The following GK5 variants were observed in gnomAD, a reference collection of about 807,000 sequenced individuals.
GK5 encodes glycerol kinase 5, also known as ATP:glycerol 3-phosphotransferase 5.
A neutral mutation model predicts 77.3 loss-of-function variants in GK5; 39 were observed. The observed-to-expected ratio is 0.50, with a 90% CI of 0.39 to 0.66. The LOEUF (loss-of-function observed/expected upper bound fraction) is 0.66, where lower values mean the gene tolerates loss of function less well. GK5 is among the 30% of genes least tolerant of loss of function. GK5 has a pLI of 0.00. For synonymous variants in GK5, 211 were observed against 208.0 expected (o/e 1.01, Z -0.13); for missense variants, 487 against 633.8 (o/e 0.77, Z 2.49).
chr3:142,191,068 A>G (rs559910063), intron 5 of GK5, among the ~76,000 whole-genome samples: 7 of 152,024 alleles, frequency 4.6e-5, no homozygotes, highest in Admixed American at 2.0e-4. Context: ...TTTGAGACAG[A>G]GTCTGGCCAT....
intron 11 of GK5, 27 bp downstream of exon 11, chr3:142,181,434 G>T (rs924239747): frequency 7.1e-7 from 1 of 1,409,424 alleles, no homozygotes; most frequent in Non-Finnish European, 1.0e-6. Flanking sequence ...GGTCTGGCTT[G>T]TGAAATCCAT....
At chr3:142,192,789 G>A (rs2063871480) in intron 5 of GK5, among the ~76,000 whole-genome samples, 1 of 151,534 alleles carries the variant, frequency 6.6e-6, no homozygotes, top group Admixed American at 6.6e-5. Flanking sequence ...AATGTGATTG[G>A]ATAAACTGTG....
chr3:142,186,151 A>G, intron 8 of GK5, 43 bp downstream of exon 8: 1 of 1,306,896 alleles, frequency 7.7e-7, no homozygotes, highest in Non-Finnish European at 1.1e-6. Flanking sequence ...AAATGAATTC[A>G]AGAACCATTG....
chr3:142,214,286 A>G (rs1301227942), intron 2 of GK5, among the ~76,000 whole-genome samples: 1 of 152,244 alleles, frequency 6.6e-6, no homozygotes, highest in African/African-American at 2.4e-5. Context: ...GTTAATGACA[A>G]TAAAGGAAAA....
chr3:142,166,695 G>A (rs938791016), intron 15 of GK5, among the ~76,000 whole-genome samples: 2 of 152,070 alleles, frequency 1.3e-5, no homozygotes, highest in East Asian at 1.9e-4. Flanking sequence ...CACCACGCCC[G>A]GCTAATTTTT....
At chr3:142,223,081 T>C (rs1183518641) in intron 1 of GK5, among the ~76,000 whole-genome samples, 1 of 152,196 alleles carries the variant, frequency 6.6e-6, no homozygotes, top group Non-Finnish European at 1.5e-5. Context: ...TCCAGACACA[T>C]TTTCCACAGT....
intron 13 of GK5, 82 bp downstream of exon 13, chr3:142,172,271 A>G (rs2063549206): frequency 3.1e-6 from 2 of 654,568 alleles, no homozygotes; most frequent in Middle Eastern, 2.6e-4. Context: ...TAAAATTAAG[A>G]AATTTTCCAT....
rs1174611463 is a variant in GK5 at position 142,165,773 on chromosome 3, A to G, written c.1442-3T>C. 3 of 1,565,562 alleles carry G rather than the reference A, an allele frequency of 1.9e-6. No homozygotes were observed. Among genetic ancestry groups the G allele is most frequent in the Admixed American group, 2.1e-5 (1 of 48,362 alleles). On this transcript the variant is annotated splice_polypyrimidine_tract_variant and splice_region_variant and intron_variant, in intron 15 of 15. Transcript: ENST00000392993. ...TTCCTCCTTGTCAGTCCAAAACCCT[A>G]TAGATAAAAAAATTATCCTCAAATT...
rs1384617809 is a variant in GK5, at chr3:142,172,432, A to G, written c.1168T>C (p.Cys390Arg). ...GGCTTCAAACCCATAAAAGAGGCAC[A>G]TGCCCAGGGGTCATTTAATGGAGCC... ...LQAPLNDPWA[C>R]ASFMGLKPST... Residue 390 changes from cysteine to arginine, a missense_variant, in exon 13 of 16, where the codon TGT (cysteine) becomes CGT (arginine). Cys to Arg is a radical substitution (Grantham distance 180, BLOSUM62 -3). Transcript: ENST00000392993. 1.2e-6 allele frequency: 2 copies of G among 1,601,768 alleles called. No individual in the cohort carries two copies. Among genetic ancestry groups the G allele is most frequent in the African/African-American group, 1.3e-5 (1 of 74,762 alleles).
At chr3:142,214,490 T>C (rs1481506801) in intron 2 of GK5, among the ~76,000 whole-genome samples, 1 of 152,202 alleles carries the variant, frequency 6.6e-6, no homozygotes, top group Non-Finnish European at 1.5e-5. Context: ...AATTTGAGCA[T>C]TGAGAAAAAC....
chr3:142,170,831 T>C (rs569596482), intron 14 of GK5, among the ~76,000 whole-genome samples: 1 of 152,298 alleles, frequency 6.6e-6, no homozygotes, highest in South Asian at 2.1e-4. Flanking sequence ...AAAATTGATA[T>C]ACTACACATA....
chr3:142,167,783 G>A (rs939656777), intron 15 of GK5, among the ~76,000 whole-genome samples: 8 of 152,242 alleles, frequency 5.3e-5, no homozygotes, highest in African/African-American at 1.7e-4. Context: ...ATGCCAAAGC[G>A]AGTGGATCAC....
intron 3 of GK5, among the ~76,000 whole-genome samples, chr3:142,205,417 T>C (rs554472747): frequency 1.1e-4 from 17 of 152,368 alleles, no homozygotes; most frequent in African/African-American, 3.4e-4. Flanking sequence ...GGCCTCCTCC[T>C]GTGAGACCTG....
intron 2 of GK5, 47 bp downstream of exon 2, chr3:142,215,551 CA>C (rs61501618): frequency 0.02 from 17,540 of 856,514 alleles, 126 homozygotes; most frequent in Middle Eastern, 0.037. Flanking sequence ...AAAACTATTA[CA>C]AAAAAAAAAC....
intron 3 of GK5, among the ~76,000 whole-genome samples, chr3:142,208,151 T>C (rs1298283511): frequency 2.6e-5 from 4 of 152,240 alleles, no homozygotes; most frequent in Non-Finnish European, 2.9e-5. Flanking sequence ...TTGCACATTA[T>C]GTCAAATTAA....
rs1399191009 is a variant in GK5 at position 142,159,849 on chromosome 3, C to CTTTTTTTTTTTTTTTTTT, written c.*5772_*5773insAAAAAAAAAAAAAAAAAA. ...GGGCTTTCTCTCTCTCTCTCTCTCT[C>CTTTTTTTTTTTTTTTTTT]TCTCTTTTTTTTTTTTGAGACAGAG... On this transcript the variant is annotated 3_prime_UTR_variant, in exon 16 of 16. Transcript: ENST00000392993. 5.7e-5 allele frequency: 6 copies of CTTTTTTTTTTTTTTTTTT among 104,774 alleles called. No homozygotes were observed. Among genetic ancestry groups the CTTTTTTTTTTTTTTTTTT allele is most frequent in the African/African-American group, 2.4e-4 (6 of 24,560 alleles). The allele number at this position is 104,774 out of a possible 1,614,324, so 6.5% of individuals were successfully genotyped here. A position where few individuals can be genotyped will look rare whatever the true frequency, so the allele number is the denominator to read the frequency against.
At chr3:142,177,455 T>C (rs761019695) in intron 12 of GK5, 27 bp downstream of exon 12, 1 of 1,267,716 alleles carries the variant, frequency 7.9e-7, no homozygotes, top group Non-Finnish European at 1.1e-6. Flanking sequence ...ATATTTGTGA[T>C]TGCCATTAAC....
chr3:142,214,459 G>A (rs7625045), intron 2 of GK5, among the ~76,000 whole-genome samples: 37,182 of 151,868 alleles, frequency 0.24, 5,065 homozygotes, highest in African/African-American at 0.37. Context: ...TTATCCCACC[G>A]GGAAAATCTG....
intron 15 of GK5, among the ~76,000 whole-genome samples, chr3:142,166,626 C>T (rs2063475368): frequency 6.6e-6 from 1 of 150,994 alleles, no homozygotes; most frequent in South Asian, 2.1e-4. Flanking sequence ...CTCCACCTCC[C>T]GGGTTCAAGC....
Sources: gnomAD v4.1 joint callset for allele counts (sites outside exome capture counted in the v4.1 genomes callset) on GRCh38, gnomAD v4.1.1 for gene constraint, MANE v1.5 for transcripts, NCBI Gene and HGNC (gene_info 2026-07-23, HGNC 2026-07-21) for gene names.